The following TACR3 variants were observed in gnomAD, a reference collection of about 807,000 sequenced individuals.
TACR3 encodes neuromedin-K receptor.
In TACR3, 34 loss-of-function variants were observed where a neutral mutation model predicts 35.0. The ratio of observed to expected loss-of-function variants is 0.97; its 90% CI spans 0.74 to 1.30. The LOEUF is 1.30. Ranked by LOEUF, TACR3 falls within the 50% of genes most tolerant of loss-of-function variation. The pLI, the probability that TACR3 is intolerant of heterozygous loss-of-function variation, is 0.00. For synonymous variants in TACR3, 233 were observed against 221.1 expected (o/e 1.05, Z -0.48); for missense variants, 558 against 591.7 (o/e 0.94, Z 0.59).
rs1723825144 is a variant in TACR3 at position 103,588,478 on chromosome 4, G to C, written c.*1204C>G. 1 of 152,062 alleles carries C rather than the reference G, an allele frequency of 6.6e-6. No homozygotes were observed. Among genetic ancestry groups the C allele is most frequent in the South Asian group, 2.1e-4 (1 of 4,820 alleles). The allele number at this position is 152,062 out of a possible 1,614,324, so 9.4% of individuals were successfully genotyped here. A position where few individuals can be genotyped will look rare whatever the true frequency, so the allele number is the denominator to read the frequency against. On this transcript the variant is annotated 3_prime_UTR_variant, in exon 5 of 5. Coordinates refer to ENST00000304883, the MANE Select transcript of TACR3 (RefSeq NM_001059.3). ...GTATATATCTTCTTGTAGTAAATGTGATGCTTTCTTAGGACTATTATCTCA... is the reference window on the plus strand; with the variant it reads ...GTATATATCTTCTTGTAGTAAATGTCATGCTTTCTTAGGACTATTATCTCA...
In TACR3 at chr4:103,607,436, TAAG is replaced by T. The variant is rs1222134915; in HGVS notation, c.889-15756_889-15754del. On this transcript the variant is annotated intron_variant, in intron 3 of 4. Coordinates refer to ENST00000304883, the MANE Select transcript of TACR3 (RefSeq NM_001059.3). ...GTGTTTAGTGTTATTATGCTCATAA[TAAG>T]AATTCAAAAATATTATTTAAAATAA... Among the ~76,000 whole-genome samples, 19 of 152,004 alleles carry T rather than the reference TAAG, an allele frequency of 1.2e-4. 1 individual carries two copies. Among genetic ancestry groups the T allele is most frequent in the African/African-American group, 4.6e-4 (19 of 41,538 alleles).
Position 103,679,170 on chromosome 4 carries a change from T to A in TACR3, c.549-20767A>T, listed in dbSNP as rs140721586. Among the ~76,000 whole-genome samples the A allele has an allele frequency of 1.9e-3, 284 of 152,170 alleles. 1 individual carries two copies. The highest frequency in any genetic ancestry group is 6.3e-3 in the African/African-American group (262 of 41,564). On this transcript the variant is annotated intron_variant, in intron 1 of 4. Coordinates refer to ENST00000304883, the MANE Select transcript of TACR3 (RefSeq NM_001059.3). ...AATACAGGAAATTAAAGTTTTTAGT[T>A]CTGGAGGCCCTAACTATGCCCATTT... is the stretch of plus-strand genomic sequence containing the variant.
intron 1 of TACR3, among the ~76,000 whole-genome samples, chr4:103,716,008 G>C (rs1015956856): frequency 5.3e-5 from 8 of 152,164 alleles, no homozygotes; most frequent in Non-Finnish European, 8.8e-5. Context: ...ATCACAACTT[G>C]TTAGGTGTCA....
intron 1 of TACR3, among the ~76,000 whole-genome samples, chr4:103,690,118 T>A (rs1171344524): frequency 6.6e-6 from 1 of 152,046 alleles, no homozygotes; most frequent in Non-Finnish European, 1.5e-5. Flanking sequence ...CAAGTTGAAA[T>A]AAATTGCAAG....
intron 1 of TACR3, among the ~76,000 whole-genome samples, chr4:103,716,554 C>T (rs1360035015): frequency 6.6e-6 from 1 of 152,034 alleles, no homozygotes; most frequent in Non-Finnish European, 1.5e-5. Flanking sequence ...TTTATTATAA[C>T]AATTGTGTGA....
At chr4:103,632,169 C>T (rs955123003) in intron 3 of TACR3, among the ~76,000 whole-genome samples, 5 of 152,054 alleles carry the variant, frequency 3.3e-5, no homozygotes, top group Admixed American at 2.0e-4. Flanking sequence ...AATGCGCATT[C>T]GTCTTAGGAG....
At chr4:103,626,469 G>A (rs763351308) in intron 3 of TACR3, among the ~76,000 whole-genome samples, 1 of 152,088 alleles carries the variant, frequency 6.6e-6, no homozygotes, top group African/African-American at 2.4e-5. Context: ...TATAGCTGGT[G>A]TAACCAGCTA....
intron 1 of TACR3, among the ~76,000 whole-genome samples, chr4:103,668,946 C>A (rs1212423917): frequency 4.6e-5 from 7 of 151,814 alleles, no homozygotes; most frequent in African/African-American, 1.7e-4. Context: ...ATTAAGATAT[C>A]CATCAGCTCA....
chr4:103,669,533 A>G (rs967782074), intron 1 of TACR3, among the ~76,000 whole-genome samples: 3 of 152,070 alleles, frequency 2.0e-5, no homozygotes, highest in African/African-American at 4.8e-5. Flanking sequence ...CATAAAAGCT[A>G]TTTTAACTGA....
At chr4:103,609,391 G>T (rs1267641435) in intron 3 of TACR3, among the ~76,000 whole-genome samples, 1 of 151,984 alleles carries the variant, frequency 6.6e-6, no homozygotes, top group Non-Finnish European at 1.5e-5. Context: ...AATGCAAAAA[G>T]AAAGAAACTG....
At chr4:103,678,149 T>C (rs1241831514) in intron 1 of TACR3, among the ~76,000 whole-genome samples, 1 of 152,172 alleles carries the variant, frequency 6.6e-6, no homozygotes, top group Non-Finnish European at 1.5e-5. Context: ...ATTCAAGGAT[T>C]AAATGGAAAT....
chr4:103,607,452 T>C (rs1560804872), intron 3 of TACR3, among the ~76,000 whole-genome samples: 1 of 151,852 alleles, frequency 6.6e-6, no homozygotes, highest in African/African-American at 2.4e-5. Flanking sequence ...TTCAAAAATA[T>C]TATTTAAAAT....
At chr4:103,637,152 C>A (rs1333855953) in intron 3 of TACR3, among the ~76,000 whole-genome samples, 1 of 152,140 alleles carries the variant, frequency 6.6e-6, no homozygotes, top group Non-Finnish European at 1.5e-5. Context: ...GAATTTTAGA[C>A]CAATATCCTT....
chr4:103,679,911 T>TTA (rs1726252858), intron 1 of TACR3, among the ~76,000 whole-genome samples: 2 of 151,772 alleles, frequency 1.3e-5, no homozygotes, highest in African/African-American at 4.8e-5. Flanking sequence ...ACAAGCTCTA[T>TTA]TATATATATA....
chr4:103,698,527 G>T (rs1259832871), intron 1 of TACR3, among the ~76,000 whole-genome samples: 1 of 128,886 alleles, frequency 7.8e-6, no homozygotes, highest in Admixed American at 7.3e-5. Flanking sequence ...ATTTATCAGA[G>T]GATATTTTCT....
chr4:103,658,573 ATAGTC>A (rs1725777852), intron 1 of TACR3, among the ~76,000 whole-genome samples, 170 bp from the exon 2 acceptor site: 1 of 152,158 alleles, frequency 6.6e-6, no homozygotes, highest in Admixed American at 6.5e-5. Flanking sequence ...TAATCATGGC[ATAGTC>A]TAGGAATCAG....
At chr4:103,622,314 G>A (rs1258691483) in intron 3 of TACR3, among the ~76,000 whole-genome samples, 1 of 152,240 alleles carries the variant, frequency 6.6e-6, no homozygotes, top group African/African-American at 2.4e-5. Flanking sequence ...AGAGAACATG[G>A]TGAAGTAAAA....
chr4:103,600,611 C>T (rs1456124077), intron 3 of TACR3, among the ~76,000 whole-genome samples: 1 of 152,160 alleles, frequency 6.6e-6, no homozygotes, highest in Admixed American at 6.6e-5. Flanking sequence ...CTATAAATTT[C>T]CCTCTGCACA....
intron 1 of TACR3, among the ~76,000 whole-genome samples, chr4:103,687,927 C>G (rs1043159898): frequency 6.6e-6 from 1 of 152,102 alleles, no homozygotes; most frequent in Non-Finnish European, 1.5e-5. Context: ...CAAAAAAGAG[C>G]CCGCATCGCC....
Sources: allele counts gnomAD v4.1 joint callset (sites outside exome capture counted in the v4.1 genomes callset), GRCh38; gene constraint gnomAD v4.1.1; transcripts MANE v1.5; gene names NCBI Gene and HGNC (gene_info 2026-07-23, HGNC 2026-07-21).